Variants in UXT observed in about 807,000 individuals in gnomAD.
The protein encoded by UXT is ubiquitously expressed prefoldin like chaperone.
For synonymous variants in UXT, 54 were observed against 52.8 expected (o/e 1.02, Z -0.10); for missense variants, 111 against 132.7 (o/e 0.84, Z 0.80).
chrX:47,657,013 G>T, intron 4 of UXT, 170 bp downstream of exon 5: 1 of 434,918 alleles, frequency 2.3e-6, no homozygotes, highest in Non-Finnish European at 4.0e-6. Flanking sequence ...CATTTTTTGA[G>T]TGCTTATTAT....
Position 47,659,097 on chromosome X carries a change from C to T in UXT, c.-134G>A, listed in dbSNP as rs755055820. 5.9e-6 allele frequency: 6 copies of T among 1,009,405 alleles called. No homozygotes were observed. In the African/African-American group the frequency reaches 9.4e-5, roughly 16 times the overall value. 83.2% of individuals were successfully genotyped at this position (1,009,405 alleles called of 1,213,427 possible). On this transcript the variant is annotated 5_prime_UTR_variant, in exon 1 of 6. Coordinates refer to ENST00000335890, the MANE Select transcript of UXT (RefSeq NM_153477.3). ...TCGGGGACCCGACCACCCAGGGACA[C>T]CCAAGCGCGGCCTTTACCTCAGGCC...
intron 3 of UXT, 102 bp downstream of exon 4, chrX:47,657,470 G>A (rs1340100652): frequency 5.5e-6 from 5 of 913,529 alleles, no homozygotes; most frequent in African/African-American, 2.0e-5. Context: ...ATAAAACCTC[G>A]CATAGTGCCT....
intron 2 of UXT, 32 bp downstream of exon 3, chrX:47,657,750 A>G: frequency 8.4e-7 from 1 of 1,187,679 alleles, no homozygotes; most frequent in African/African-American, 1.8e-5. Context: ...CACACATACC[A>G]AAAAAATGGT....
At chrX:47,658,148 C>T (rs73481364) in intron 1 of UXT, among the ~76,000 whole-genome samples, 3 of 110,797 alleles carry the variant, frequency 2.7e-5, no homozygotes, top group Non-Finnish European at 3.8e-5. Context: ...ATTAAATGAG[C>T]GTTTACTACA....
At chrX:47,653,541 C>G (rs191481321) in intron 4 of UXT, among the ~76,000 whole-genome samples, 39 of 111,821 alleles carry the variant, frequency 3.5e-4, no homozygotes, top group Non-Finnish European at 4.7e-4. Context: ...CTGGGCTCCT[C>G]TCTCTCACAC....
intron 3 of UXT, 134 bp downstream of exon 4, chrX:47,657,438 C>T: frequency 2.5e-6 from 2 of 798,893 alleles, no homozygotes; most frequent in Non-Finnish European, 3.6e-6. Context: ...TCCCCAGCAC[C>T]TAGCTTATAT....
chrX:47,657,665 G>C, intron 2 of UXT, 26 bp from the exon 4 acceptor site: 1 of 1,200,279 alleles, frequency 8.3e-7, no homozygotes, highest in Non-Finnish European at 1.1e-6. Context: ...AAAAGAGGTA[G>C]GGGTCAGTGG....
At chrX:47,657,902 C>T (rs1466799735) in intron 1 of UXT, 39 bp from the exon 3 acceptor site, 1 of 1,024,098 alleles carries the variant, frequency 9.8e-7, no homozygotes, top group Non-Finnish European at 1.3e-6. Flanking sequence ...AATAGGCAGC[C>T]CCATTCCTCC....
At chrX:47,654,442 G>A (rs1355243498) in intron 4 of UXT, among the ~76,000 whole-genome samples, 1 of 110,564 alleles carries the variant, frequency 9.0e-6, no homozygotes, top group African/African-American at 3.3e-5. Flanking sequence ...TCCTGACCTC[G>A]TGATCCACCC....
Position 47,656,968 on chromosome X carries a change from CAATA to C in UXT, c.392+211_392+214del, listed in dbSNP as rs2058085563. 3.9e-5 allele frequency: 16 copies of C among 405,693 alleles called. No homozygotes were observed. The East Asian group carries it at 6.5e-4, about 16-fold the overall frequency. The allele number at this position is 405,693 out of a possible 1,213,427, so 33.4% of individuals were successfully genotyped here. On this transcript the variant is annotated intron_variant, in intron 4 of 5. Coordinates refer to ENST00000335890, the MANE Select transcript of UXT (RefSeq NM_153477.3). The stretch of plus-strand genomic sequence containing the variant: ...CAGTGCCTGGCATACAGAAGATGCC[CAATA>C]AATGTTTGCGTGAATGAACAATACA...
chrX:47,653,353 C>T (rs1272108236), intron 4 of UXT, among the ~76,000 whole-genome samples: 2 of 112,013 alleles, frequency 1.8e-5, no homozygotes, highest in Non-Finnish European at 3.8e-5. Context: ...GAACTCTCTC[C>T]TGAACTTGAC....
intron 4 of UXT, 48 bp from the exon 6 acceptor site, chrX:47,652,192 G>C (rs1042977187): frequency 9.3e-7 from 1 of 1,077,512 alleles, no homozygotes; most frequent in East Asian, 3.1e-5. Flanking sequence ...ACATGATTAT[G>C]ATGACCCTTC....
chrX:47,652,801 C>A, intron 4 of UXT, among the ~76,000 whole-genome samples: 1 of 111,841 alleles, frequency 8.9e-6, no homozygotes, highest in Admixed American at 9.5e-5. Flanking sequence ...GGTAAGGACC[C>A]TGGCTTTGAC....
intron 4 of UXT, among the ~76,000 whole-genome samples, chrX:47,653,657 ATAC>A (rs1295904290): frequency 1.2e-4 from 13 of 112,367 alleles, no homozygotes; most frequent in Non-Finnish European, 2.4e-4. Context: ...AACATCTGAC[ATAC>A]TACATCATTC....
At chrX:47,656,554 T>G (rs758459934) in intron 4 of UXT, among the ~76,000 whole-genome samples, 2 of 111,224 alleles carry the variant, frequency 1.8e-5, no homozygotes, top group Non-Finnish European at 3.8e-5. Flanking sequence ...GGGCTGTAAT[T>G]TGAAAGTTAG....
In UXT at chrX:47,657,651, G is replaced by A; in HGVS notation, c.217-12C>T. The A allele has an allele frequency of 2.5e-6, 3 of 1,206,556 alleles. No individual in the cohort carries two copies. Among genetic ancestry groups the A allele is most frequent in the Non-Finnish European group, 3.4e-6 (3 of 891,973 alleles). ...GAGTGCTTAGCTTCCTGTGGGGCCAGGGAAAAAGAGGTAGGGGTCAGTGGT... is the reference window on the plus strand; with the variant it reads ...GAGTGCTTAGCTTCCTGTGGGGCCAAGGAAAAAGAGGTAGGGGTCAGTGGT... On this transcript the variant is annotated splice_polypyrimidine_tract_variant and intron_variant, in intron 2 of 5. Coordinates refer to ENST00000335890, the MANE Select transcript of UXT (RefSeq NM_153477.3).
chrX:47,656,555 TGAAA>T (rs1210778358), intron 4 of UXT, among the ~76,000 whole-genome samples: 3 of 111,455 alleles, frequency 2.7e-5, no homozygotes, highest in Non-Finnish European at 5.6e-5. Context: ...GGCTGTAATT[TGAAA>T]GTTAGGTTAC....
Position 47,659,156 on chromosome X carries a change from C to T in UXT, c.-193G>A, listed in dbSNP as rs1270101784. The stretch of plus-strand genomic sequence containing the variant: ...TAAGAACGGTTGGTAGGAACCGCGG[C>T]TTCCGGGTGGCGCGGGTGAATGACG... On this transcript the variant is annotated 5_prime_UTR_variant, in exon 1 of 6. Transcript: ENST00000335890. 6.3e-6 allele frequency: 4 copies of T among 632,741 alleles called. No individual in the cohort carries two copies. Among genetic ancestry groups the T allele is most frequent in the Non-Finnish European group, 1.0e-5 (4 of 398,597 alleles). The allele number at this position is 632,741 out of a possible 1,213,427, so 52.1% of individuals were successfully genotyped here.
At chrX:47,658,743 C>T in intron 1 of UXT, 87 bp downstream of exon 2, 2 of 1,056,912 alleles carry the variant, frequency 1.9e-6, no homozygotes, top group Non-Finnish European at 2.5e-6. Context: ...GCCTCGCCCG[C>T]CAATTCAAAG....
Sources: gnomAD v4.1 joint callset for allele counts (sites outside exome capture counted in the v4.1 genomes callset) on GRCh38, gnomAD v4.1.1 for gene constraint, MANE v1.5 for transcripts, NCBI Gene and HGNC (gene_info 2026-07-23, HGNC 2026-07-21) for gene names.